GRK5: variants seen among roughly 807,000 people sequenced by gnomAD.
GRK5 encodes g protein-coupled receptor kinase GRK5.
GRK5 carries 40 observed loss-of-function variants against 78.4 expected under a neutral mutation model. That is an observed-to-expected ratio of 0.51 (90% confidence interval 0.40 to 0.66). The LOEUF is 0.66. Among genes scored for constraint, GRK5 ranks in the 30% least tolerant of loss-of-function variants. The pLI is 0.00. For missense variants in GRK5, 598 were observed against 759.9 expected (o/e 0.79, Z 2.50); for synonymous variants, 289 against 296.8 (o/e 0.97, Z 0.27).
intron 3 of GRK5, among the ~76,000 whole-genome samples, chr10:119,394,350 G>GTATGTT (rs1851974292): frequency 9.1e-6 from 1 of 110,354 alleles, no homozygotes; most frequent in African/African-American, 3.6e-5. Context: ...GTGTGGGCAT[G>GTATGTT]TGGGTGTGTG....
At chr10:119,386,059 A>T (rs944668520) in intron 3 of GRK5, among the ~76,000 whole-genome samples, 1 of 152,028 alleles carries the variant, frequency 6.6e-6, no homozygotes, top group African/African-American at 2.4e-5. Context: ...TAATTTTTGT[A>T]TTCTTTGTAG....
At chr10:119,381,831 C>T (rs1479671928) in intron 3 of GRK5, among the ~76,000 whole-genome samples, 1 of 152,172 alleles carries the variant, frequency 6.6e-6, no homozygotes, top group African/African-American at 2.4e-5. Context: ...TGCAGCCATC[C>T]CGACCTCTAT....
chr10:119,389,448 G>T (rs1851850390), intron 3 of GRK5, among the ~76,000 whole-genome samples: 1 of 152,226 alleles, frequency 6.6e-6, no homozygotes, highest in Admixed American at 6.5e-5. Flanking sequence ...CATCTAGGAA[G>T]CCAGACCCCG....
intron 2 of GRK5, among the ~76,000 whole-genome samples, chr10:119,349,607 T>C (rs1851157764): frequency 1.3e-5 from 2 of 152,252 alleles, no homozygotes; most frequent in South Asian, 4.1e-4. Flanking sequence ...GTGGGGAACA[T>C]GGCTCACCAG....
At position 119,264,377 on chromosome 10, in the gene GRK5, A is replaced by G. The variant is rs1388600933; in HGVS notation, c.52+56408A>G. ...TCCTGGGTGGGGCTCAAGTCCTACC[A>G]TCTGGTGTTTGTCCTTCTCTGTTTC... is the stretch of plus-strand genomic sequence containing the variant. On this transcript the variant is annotated intron_variant, in intron 1 of 15. Transcript: ENST00000392870. This position sits in a 1 kb window ranked among gnomAD's most constrained non-coding sequence, Gnocchi z 4.1. Among the ~76,000 whole-genome samples the G allele has an allele frequency of 2.6e-5, 4 of 152,130 alleles. No individual in the cohort carries two copies. Among genetic ancestry groups the G allele is most frequent in the African/African-American group, 9.7e-5 (4 of 41,426 alleles).
At position 119,412,374 on chromosome 10, in the gene GRK5, G is replaced by A. The variant is rs994417280; in HGVS notation, c.340-10792G>A. On this transcript the variant is annotated intron_variant, in intron 4 of 15. Transcript: ENST00000392870. This position sits in a 1 kb window ranked among gnomAD's most constrained non-coding sequence, Gnocchi z 4.3. The stretch of plus-strand genomic sequence containing the variant: ...CCTGGGCTGACCACGAGGACACCCC[G>A]GTGAAGAGCTGGGCGTGCTTGGGCC... Among the ~76,000 whole-genome samples, 4 of 152,202 alleles carry A rather than the reference G, an allele frequency of 2.6e-5. No individual in the cohort carries two copies. Among genetic ancestry groups the A allele is most frequent in the Non-Finnish European group, 5.9e-5 (4 of 68,044 alleles).
intron 1 of GRK5, among the ~76,000 whole-genome samples, chr10:119,310,908 G>A (rs1004323214): frequency 3.3e-5 from 5 of 152,176 alleles, no homozygotes; most frequent in African/African-American, 1.2e-4. Flanking sequence ...AGAGTCAGCA[G>A]CCCAGCCCTC....
intron 1 of GRK5, among the ~76,000 whole-genome samples, chr10:119,321,226 C>T (rs1850577834): frequency 6.6e-6 from 1 of 152,150 alleles, no homozygotes; most frequent in Admixed American, 6.5e-5. Context: ...GGGTGAGAGG[C>T]CATTCTGGGG....
chr10:119,247,717 G>T (rs572869858), intron 1 of GRK5, among the ~76,000 whole-genome samples: 8 of 152,204 alleles, frequency 5.3e-5, no homozygotes, highest in Non-Finnish European at 1.2e-4. Context: ...ACCAGCTTTT[G>T]TTTAGAGGGG....
intron 1 of GRK5, among the ~76,000 whole-genome samples, chr10:119,248,866 A>T (rs1386829128): frequency 2.0e-5 from 3 of 152,154 alleles, no homozygotes; most frequent in Non-Finnish European, 4.4e-5. Flanking sequence ...CAGAGACCAT[A>T]TGGCCCACCT....
intron 4 of GRK5, among the ~76,000 whole-genome samples, chr10:119,403,412 G>A (rs140664567): frequency 0.011 from 1,614 of 152,158 alleles, 31 homozygotes; most frequent in African/African-American, 0.037. Context: ...TGATCCACCC[G>A]CCTCAGCCTC....
At chr10:119,335,156 CT>C in intron 2 of GRK5, among the ~76,000 whole-genome samples, 1 of 140,786 alleles carries the variant, frequency 7.1e-6, no homozygotes, top group African/African-American at 2.9e-5. Context: ...CTCTCTCTCT[CT>C]CTCTCTCTCT....
At chr10:119,389,406 A>T (rs916660327) in intron 3 of GRK5, among the ~76,000 whole-genome samples, 4 of 152,192 alleles carry the variant, frequency 2.6e-5, no homozygotes, top group African/African-American at 9.7e-5. Flanking sequence ...GGGTGCTTAT[A>T]GTTTTTCAGG....
At chr10:119,223,493 A>G (rs1303321128) in intron 1 of GRK5, among the ~76,000 whole-genome samples, 1 of 152,080 alleles carries the variant, frequency 6.6e-6, no homozygotes, top group Non-Finnish European at 1.5e-5. Context: ...CTGCTGCTCT[A>G]TAGAACCCTG....
At chr10:119,213,215 A>G (rs909935346) in intron 1 of GRK5, 1 of 152,432 alleles carries the variant, frequency 6.6e-6, no homozygotes, top group Admixed American at 6.5e-5. Flanking sequence ...GCATGATTTT[A>G]AATGACTAAA....
At chr10:119,354,251 A>T (rs1388724147) in intron 2 of GRK5, among the ~76,000 whole-genome samples, 1 of 152,018 alleles carries the variant, frequency 6.6e-6, no homozygotes, top group Non-Finnish European at 1.5e-5. Flanking sequence ...TGGGGCAGAA[A>T]GGTTAAGAGT....
intron 2 of GRK5, among the ~76,000 whole-genome samples, chr10:119,348,825 G>A (rs371902202): frequency 3.9e-5 from 6 of 152,304 alleles, no homozygotes; most frequent in African/African-American, 1.4e-4. Context: ...CTGTTGCTTT[G>A]CTCTTCTCCA....
At position 119,441,988 on chromosome 10, in the gene GRK5, GT is replaced by G. The variant is rs1425539614; in HGVS notation, c.968-10del. 6.2e-7 allele frequency: 1 copy of G among 1,612,696 alleles called. No individual in the cohort carries two copies. ...GTCCCAGGGACCCACTGACCCTGCT[GT>G]CCCCCTCAGGCCACATTAGGATCTC... On this transcript the variant is annotated splice_polypyrimidine_tract_variant and intron_variant, in intron 10 of 15. Coordinates refer to ENST00000392870, the MANE Select transcript of GRK5 (RefSeq NM_005308.3).
chr10:119,217,232 G>GTC lies in GRK5; in HGVS notation c.52+9266_52+9267dup, dbSNP rs1163355986. The stretch of plus-strand genomic sequence containing the variant: ...GGGGCAAATTGGGAATATAATTTCT[G>GTC]TCTCAGACCGTGATTTCAGCTGAGG... On this transcript the variant is annotated intron_variant, in intron 1 of 15. Coordinates refer to ENST00000392870, the MANE Select transcript of GRK5 (RefSeq NM_005308.3). The surrounding 1 kb of genome is among the most constrained non-coding windows in gnomAD (Gnocchi z 4.1). Among the ~76,000 whole-genome samples the GTC allele has an allele frequency of 2.0e-5, 3 of 152,306 alleles. No homozygotes were observed. The East Asian group carries it at 5.8e-4, about 29-fold the overall frequency.
Sources: gnomAD v4.1 joint callset for allele counts (sites outside exome capture counted in the v4.1 genomes callset) on GRCh38, gnomAD v4.1.1 for gene constraint, Gnocchi (gnomAD v3.1) non-coding constraint, MANE v1.5 for transcripts, NCBI Gene and HGNC (gene_info 2026-07-23, HGNC 2026-07-21) for gene names.